The following ARFGAP2 variants were observed in gnomAD, a reference collection of about 807,000 sequenced individuals.
ARFGAP2 encodes ARF GTPase activating protein 2.
ARFGAP2 carries 45 observed loss-of-function variants against 71.9 expected under a neutral mutation model. That is an observed-to-expected ratio of 0.63 (90% confidence interval 0.49 to 0.80). The LOEUF is 0.80. Among genes scored for constraint, ARFGAP2 ranks in the 30% least tolerant of loss-of-function variants. The probability of loss-of-function intolerance (pLI) is 0.00; values close to 1 mark genes in which losing one functional copy is unlikely to be tolerated. For missense variants in ARFGAP2, 633 were observed against 673.9 expected, an observed-to-expected ratio of 0.94 and a Z score of 0.67; for synonymous variants, 248 against 249.2, an observed-to-expected ratio of 1.00 and a Z score of 0.05.
At position 47,166,381 on chromosome 11, in the gene ARFGAP2, C is replaced by T. The variant is rs1952378405; in HGVS notation, c.1432G>A (p.Val478Ile). ...DMDGAHGAGS[V>I]SLGNVLPTAD... is the part of the protein sequence containing the mutation. ...GTAGGCAGCACGTTCCCCAGAGATA[C>T]ACTTCCTGTAAAACAAGAGCAGGGT... is the stretch of plus-strand genomic sequence containing the variant. Residue 478 changes from valine (V) to isoleucine (I), a missense_variant, in exon 15 of 16, where the codon GTA becomes ATA. Physicochemically the swap from Val to Ile is conservative, Grantham distance 29. Transcript: ENST00000524782. 6 of 1,614,034 alleles carry T rather than the reference C, an allele frequency of 3.7e-6. No homozygotes were observed. The highest frequency in any genetic ancestry group is 5.1e-6 in the Non-Finnish European group (6 of 1,179,910).
intron 5 of ARFGAP2, 197 bp from the exon 6 acceptor site, chr11:47,174,037 C>T (rs1952698445): frequency 2.0e-6 from 2 of 994,046 alleles, no homozygotes; most frequent in Non-Finnish European, 2.9e-6. Flanking sequence ...CACCCCAACC[C>T]CTTCACTATT....
intron 10 of ARFGAP2, among the ~76,000 whole-genome samples, chr11:47,170,819 G>A (rs559857472): frequency 5.3e-5 from 8 of 151,980 alleles, no homozygotes; most frequent in Admixed American, 3.3e-4. Flanking sequence ...GGTGGCTCCC[G>A]GCTGTGGTCC....
In ARFGAP2 at chr11:47,164,371, C is replaced by G; in HGVS notation, c.*1111G>C. On this transcript the variant is annotated 3_prime_UTR_variant, in exon 16 of 16. Transcript: ENST00000524782. ...TGACACCACTTTGTTTCAATACAAACAGTCCAGAAAGAAAGTCAAGTCCCT... is the reference window on the plus strand; with the variant it reads ...TGACACCACTTTGTTTCAATACAAAGAGTCCAGAAAGAAAGTCAAGTCCCT... The G allele has an allele frequency of 5.1e-6, 6 of 1,177,300 alleles. No homozygotes were observed. The highest frequency in any genetic ancestry group is 7.0e-6 in the Non-Finnish European group (6 of 861,526). 72.9% of individuals were successfully genotyped at this position (1,177,300 alleles called of 1,614,324 possible). A position where few individuals can be genotyped will look rare whatever the true frequency, so the allele number is the denominator to read the frequency against.
intron 2 of ARFGAP2, 92 bp from the exon 3 acceptor site, chr11:47,176,015 T>C: frequency 7.7e-7 from 1 of 1,305,748 alleles, no homozygotes; most frequent in African/African-American, 1.5e-5. Context: ...CAGGCTGCTG[T>C]AGGCACCCAG....
At position 47,164,399 on chromosome 11, in the gene ARFGAP2, G is replaced by C. The variant is rs1952270541; in HGVS notation, c.*1083C>G. On this transcript the variant is annotated 3_prime_UTR_variant, in exon 16 of 16. Coordinates refer to ENST00000524782, the MANE Select transcript of ARFGAP2 (RefSeq NM_032389.6). ...TCCAGAAAGAAAGTCAAGTCCCTCT[G>C]GGGGAGGGGCAAGGGGAAGAGTGGT... 1.1e-6 allele frequency: 1 copy of C among 924,184 alleles called. No individual in the cohort carries two copies. Among genetic ancestry groups the C allele is most frequent in the South Asian group, 1.9e-5 (1 of 51,634 alleles). 57.2% of individuals were successfully genotyped at this position (924,184 alleles called of 1,614,324 possible).
intron 10 of ARFGAP2, among the ~76,000 whole-genome samples, chr11:47,170,125 C>T (rs1221610708): frequency 6.6e-6 from 1 of 152,040 alleles, no homozygotes; most frequent in African/African-American, 2.4e-5. Flanking sequence ...AGTAGTTTTA[C>T]ACCAGCCTGG....
chr11:47,175,331 G>C lies in ARFGAP2; in HGVS notation c.265-18C>G. The C allele has an allele frequency of 6.2e-7, 1 of 1,613,984 alleles. No individual in the cohort carries two copies. Among genetic ancestry groups the C allele is most frequent in the South Asian group, 1.1e-5 (1 of 90,936 alleles). On this transcript the variant is annotated intron_variant, in intron 3 of 15. Coordinates refer to ENST00000524782, the MANE Select transcript of ARFGAP2 (RefSeq NM_032389.6). ...AAAGCCGTCTGGAGAGCAAAGAAGA[G>C]AGCAGCGCGTGCTACGGGTGATTCT... is the stretch of plus-strand genomic sequence containing the variant.
rs188059638 is a variant in ARFGAP2, at chr11:47,173,565, G to A, written c.563-83C>T. The A allele has an allele frequency of 3.1e-5, 46 of 1,465,532 alleles. 1 individual carries two copies. Among genetic ancestry groups the A allele is most frequent in the East Asian group, 2.0e-4 (8 of 40,054 alleles). 90.8% of individuals were successfully genotyped at this position (1,465,532 alleles called of 1,614,324 possible). ...TGAAAGAAGTGATGGGACAAGAATC[G>A]GTGGCTTTCCTCAGCTTGCCACCAA... is the stretch of plus-strand genomic sequence containing the variant. On this transcript the variant is annotated intron_variant, in intron 6 of 15. Coordinates refer to ENST00000524782, the MANE Select transcript of ARFGAP2 (RefSeq NM_032389.6).
At chr11:47,174,658 G>A (rs1464937767) in intron 5 of ARFGAP2, 1 of 221,174 alleles carries the variant, frequency 4.5e-6, no homozygotes, top group Non-Finnish European at 9.2e-6. Flanking sequence ...GCCTCCCAAA[G>A]TGCTGGGATT....
chr11:47,172,216 G>A (rs1044991056), intron 8 of ARFGAP2, 65 bp downstream of exon 8: 4 of 1,519,408 alleles, frequency 2.6e-6, no homozygotes, highest in Non-Finnish European at 3.6e-6. Context: ...TAAGGTCAAG[G>A]AGTGAACCCA....
intron 7 of ARFGAP2, 88 bp from the exon 8 acceptor site, chr11:47,172,421 G>T: frequency 1.4e-6 from 2 of 1,476,090 alleles, no homozygotes; most frequent in Non-Finnish European, 1.9e-6. Flanking sequence ...CATGGCAAGA[G>T]CTCCTAAGAA....
chr11:47,172,252 C>G (rs755433314), intron 8 of ARFGAP2, 29 bp downstream of exon 8: 19 of 1,611,916 alleles, frequency 1.2e-5, no homozygotes, highest in Non-Finnish European at 8.5e-7. Context: ...GCTCCTAACC[C>G]CTCTACCATA....
At position 47,165,100 on chromosome 11, in the gene ARFGAP2, C is replaced by A; in HGVS notation, c.*382G>T. 1 of 222,904 alleles carries A rather than the reference C, an allele frequency of 4.5e-6. No homozygotes were observed. Among genetic ancestry groups the A allele is most frequent in the Non-Finnish European group, 8.8e-6 (1 of 114,124 alleles). The allele number at this position is 222,904 out of a possible 1,614,324, so 13.8% of individuals were successfully genotyped here. On this transcript the variant is annotated 3_prime_UTR_variant, in exon 16 of 16. Coordinates refer to ENST00000524782, the MANE Select transcript of ARFGAP2 (RefSeq NM_032389.6). ...CCTCGAACTAGAAGAACCCTAGAGCCAGCAAAAAAAGCCTTCTACCTTCCG... is the reference window on the plus strand; with the variant it reads ...CCTCGAACTAGAAGAACCCTAGAGCAAGCAAAAAAAGCCTTCTACCTTCCG...
chr11:47,173,660 A>G, intron 6 of ARFGAP2, 99 bp downstream of exon 6: 1 of 1,462,036 alleles, frequency 6.8e-7, no homozygotes. Flanking sequence ...AAGATACAGG[A>G]GGACCCCTGC....
chr11:47,172,315 AT>A lies in ARFGAP2; in HGVS notation c.637del (p.Ile213LeufsTer19). 1.9e-6 allele frequency: 3 copies of A among 1,614,146 alleles called. No homozygotes were observed. The highest frequency in any genetic ancestry group is 2.5e-6 in the Non-Finnish European group (3 of 1,180,026). The part of the protein sequence containing the change: ...KASLELKSSI[I>X]GKKKPAAAKK... ...AGCTGCTGCTGGCTTCTTCTTGCCA[AT>A]GATGGAGCTTTTCAGTTCTGCGTGA... On this transcript the variant is annotated frameshift_variant, in exon 8 of 16. Coordinates refer to ENST00000524782, the MANE Select transcript of ARFGAP2 (RefSeq NM_032389.6). LOFTEE classifies it high-confidence loss of function.
At chr11:47,175,820 T>C (rs200571573) in intron 3 of ARFGAP2, 31 bp downstream of exon 3, 111 of 1,613,508 alleles carry the variant, frequency 6.9e-5, no homozygotes, top group Middle Eastern at 1.6e-4. Context: ...GGCAGAAGAA[T>C]GGAAGGTGAG....
rs1378632656 is a variant in ARFGAP2, at chr11:47,168,264, G to T, written c.942-13C>A. 2 of 1,613,816 alleles carry T rather than the reference G, an allele frequency of 1.2e-6. No individual in the cohort carries two copies. The highest frequency in any genetic ancestry group is 2.2e-5 in the South Asian group (2 of 91,036). On this transcript the variant is annotated splice_polypyrimidine_tract_variant and intron_variant, in intron 10 of 15. Coordinates refer to ENST00000524782, the MANE Select transcript of ARFGAP2 (RefSeq NM_032389.6). ...GTGGGAGACAGAGCTGCGCAGCAAA[G>T]CAGAGCCAGGCATGAGACCAAAGGA...
At chr11:47,175,420 A>C (rs768687198) in intron 3 of ARFGAP2, 107 bp from the exon 4 acceptor site, 1 of 1,520,720 alleles carries the variant, frequency 6.6e-7, no homozygotes, top group East Asian at 2.3e-5. Context: ...TTATCTATAC[A>C]GGATGATACA....
rs1351591990 is a variant in ARFGAP2 at position 47,175,869 on chromosome 11, G to C, written c.246C>G (p.Val82=). The change falls in exon 3 of 16, where the codon GTC becomes GTG. Residue 82 remains valine, a synonymous_variant. Transcript: ENST00000524782. ...WNWFQLRCMQ[V]GGNANATAFF... is the part of the protein sequence containing the mutation. ...GCTTTACCGCATTGGCATTCCCGCC[G>C]ACCTGCATACACCTCAGCTGGAACC... The C allele has an allele frequency of 1.2e-6, 2 of 1,614,000 alleles. No individual in the cohort carries two copies. Among genetic ancestry groups the C allele is most frequent in the African/African-American group, 1.3e-5 (1 of 74,894 alleles).
Sources: gnomAD v4.1 joint callset for allele counts (sites outside exome capture counted in the v4.1 genomes callset) on GRCh38, gnomAD v4.1.1 for gene constraint, MANE v1.5 for transcripts, NCBI Gene and HGNC (gene_info 2026-07-23, HGNC 2026-07-21) for gene names.